ADH6: variants seen among roughly 807,000 people sequenced by gnomAD.
ADH6 encodes alcohol dehydrogenase 6.
In ADH6, 34 loss-of-function variants were observed where a neutral mutation model predicts 36.5. The ratio of observed to expected loss-of-function variants is 0.93; its 90% CI spans 0.71 to 1.24. ADH6 has a LOEUF of 1.24. Among genes scored for constraint, ADH6 ranks in the 50% most tolerant of loss-of-function variants. ADH6 has a pLI of 0.00. For missense variants in ADH6, 440 were observed against 447.0 expected (o/e 0.98, Z 0.14); for synonymous variants, 161 against 155.5 (o/e 1.04, Z -0.26).
Position 99,213,828 on chromosome 4 carries a change from G to A in ADH6, c.121-81C>T, listed in dbSNP as rs138561826. ...AGAGTTGTTGACTGTAAGGCTTTTT[G>A]CTAGTTTGATATTCTCCATTTATAC... On this transcript the variant is annotated intron_variant, in intron 2 of 8. Coordinates refer to ENST00000394899, the MANE Select transcript of ADH6 (RefSeq NM_001102470.2). 1,955 of 1,283,052 alleles carry A rather than the reference G, an allele frequency of 1.5e-3. 4 individuals are homozygous for A. Among genetic ancestry groups the A allele is most frequent in the Middle Eastern group, 3.6e-3 (13 of 3,654 alleles). 79.5% of individuals were successfully genotyped at this position (1,283,052 alleles called of 1,614,324 possible).
chr4:99,213,655 C>T lies in ADH6; in HGVS notation c.213G>A (p.Gly71=). The T allele has an allele frequency of 1.2e-6, 2 of 1,613,864 alleles. No homozygotes were observed. The highest frequency in any genetic ancestry group is 1.7e-6 in the Non-Finnish European group (2 of 1,179,912). Residue 71 remains glycine (G), a synonymous_variant, in exon 3 of 9, where the codon GGG becomes GGA. Coordinates refer to ENST00000394899, the MANE Select transcript of ADH6 (RefSeq NM_001102470.2). ...CTCCAATACTCTCAACGATTCCAGC[C>T]CCTTCATGGCCCAAGATGGTGGGAT... ...LLYPTILGHE[G]AGIVESIGEG...
At chr4:99,209,065 A>G (rs1159913719) in intron 5 of ADH6, 137 bp from the exon 6 acceptor site, 3 of 920,794 alleles carry the variant, frequency 3.3e-6, no homozygotes, top group East Asian at 2.6e-5. Flanking sequence ...TACATAACAT[A>G]TTATAACTAC....
intron 7 of ADH6, 33 bp downstream of exon 7, chr4:99,207,413 A>C (rs774810651): frequency 1.2e-6 from 2 of 1,611,910 alleles, no homozygotes; most frequent in South Asian, 2.2e-5. Flanking sequence ...TCACCTCCTC[A>C]GGCATTTCCA....
chr4:99,203,006 T>G lies in ADH6; in HGVS notation c.*1213A>C. The stretch of plus-strand genomic sequence containing the variant: ...GTTATGAGAGTCCTTTGATATCATG[T>G]GAAAACCATGATGGGAGAGAGAGAC... On this transcript the variant is annotated 3_prime_UTR_variant, in exon 9 of 9. Transcript: ENST00000394899. 2.6e-6 allele frequency: 1 copy of G among 390,602 alleles called. No homozygotes were observed. Among genetic ancestry groups the G allele is most frequent in the Non-Finnish European group, 4.5e-6 (1 of 221,192 alleles). 24.2% of individuals were successfully genotyped at this position (390,602 alleles called of 1,614,324 possible). A position where few individuals can be genotyped will look rare whatever the true frequency, so the allele number is the denominator to read the frequency against.
At chr4:99,216,930 A>C (rs1033215605) in intron 1 of ADH6, among the ~76,000 whole-genome samples, 1 of 152,198 alleles carries the variant, frequency 6.6e-6, no homozygotes, top group African/African-American at 2.4e-5. Flanking sequence ...AAGGGTATTC[A>C]GGGTGTCCAT....
At chr4:99,208,616 A>G in intron 6 of ADH6, 52 bp downstream of exon 6, 1 of 1,547,608 alleles carries the variant, frequency 6.5e-7, no homozygotes. Context: ...ACTATAATCT[A>G]AACGATGACT....
chr4:99,212,936 T>C (rs1379612181), intron 3 of ADH6, among the ~76,000 whole-genome samples: 1 of 151,984 alleles, frequency 6.6e-6, no homozygotes, highest in Non-Finnish European at 1.5e-5. Flanking sequence ...TAAATATCTA[T>C]TTTATATCTG....
chr4:99,216,110 G>T, intron 2 of ADH6, 51 bp downstream of exon 2: 2 of 1,093,256 alleles, frequency 1.8e-6, no homozygotes, highest in Non-Finnish European at 2.5e-6. Flanking sequence ...ACAGTAAGAA[G>T]CTCTGGCTTT....
At chr4:99,219,062 A>G (rs370546136) in intron 1 of ADH6, 73 bp downstream of exon 1, 56 of 1,444,202 alleles carry the variant, frequency 3.9e-5, no homozygotes, top group South Asian at 6.9e-5. Context: ...CTGGGTGATG[A>G]GATGTTGGTA....
chr4:99,211,521 C>T (rs1021587069), intron 3 of ADH6, among the ~76,000 whole-genome samples: 2 of 152,132 alleles, frequency 1.3e-5, no homozygotes, highest in Non-Finnish European at 2.9e-5. Context: ...TTCTAAAATG[C>T]CCTCCGAAAG....
Position 99,210,205 on chromosome 4 carries a change from A to T in ADH6, c.444T>A (p.Cys148Ter). ...AGATTTCCTTTATCACTGTGTATTC[A>T]CAGAAGGTGCTGGTATTACCAAAGT... ...IYHFGNTSTF[C>*]EYTVIKEISV... Residue 148 changes from cysteine (C) to a stop codon, truncating the protein, a stop_gained, in exon 5 of 9, where the codon TGT becomes TGA. Transcript: ENST00000394899. LOFTEE classifies it high-confidence loss of function. The T allele has an allele frequency of 6.2e-7, 1 of 1,613,764 alleles. No individual in the cohort carries two copies. The highest frequency in any genetic ancestry group is 8.5e-7 in the Non-Finnish European group (1 of 1,179,838).
At chr4:99,207,415 G>A in intron 7 of ADH6, 31 bp downstream of exon 7, 2 of 1,611,226 alleles carry the variant, frequency 1.2e-6, no homozygotes, top group Non-Finnish European at 1.7e-6. Context: ...ACCTCCTCAG[G>A]CATTTCCACC....
chr4:99,213,489 T>C, intron 3 of ADH6, 117 bp downstream of exon 3: 1 of 965,034 alleles, frequency 1.0e-6, no homozygotes, highest in Non-Finnish European at 1.5e-6. Context: ...TTCTAAGAAG[T>C]TGGAAACATT....
intron 3 of ADH6, 142 bp from the exon 4 acceptor site, chr4:99,210,644 C>T: frequency 1.5e-6 from 1 of 649,836 alleles, no homozygotes; most frequent in Admixed American, 2.9e-5. Context: ...CTTGATACCA[C>T]AAAGAATATC....
At position 99,210,110 on chromosome 4, in the gene ADH6, C is replaced by T. The variant is rs1218310774; in HGVS notation, c.539G>A (p.Gly180Glu). ...GGCAGTATTGATTGCAGCACCAAAC[C>T]CAGTGGAAAAGCCACAGCTAATTAG... ...VCLISCGFST[G>E]FGAAINTAKV... The change falls in exon 5 of 9, where the codon GGG (glycine) becomes GAG (glutamate). Residue 180 changes from glycine (G) to glutamate (E), a missense_variant. Physicochemically the swap from Gly to Glu is moderately conservative, Grantham distance 98. Transcript: ENST00000394899. 6.2e-7 allele frequency: 1 copy of T among 1,613,588 alleles called. No individual in the cohort carries two copies. Among genetic ancestry groups the T allele is most frequent in the African/African-American group, 1.3e-5 (1 of 74,888 alleles).
intron 1 of ADH6, among the ~76,000 whole-genome samples, chr4:99,218,850 T>G (rs1423110817): frequency 1.3e-5 from 2 of 152,190 alleles, no homozygotes; most frequent in Non-Finnish European, 2.9e-5. Context: ...AATTGCTCTT[T>G]TATAATTATT....
Position 99,219,232 on chromosome 4 carries a change from A to G in ADH6, c.-80T>C. ...CTTTCACTGTAGAAAGTACAAAGGT[A>G]CACAGGCGACTGGTAGATCAGAAGG... On this transcript the variant is annotated 5_prime_UTR_variant, in exon 1 of 9. Coordinates refer to ENST00000394899, the MANE Select transcript of ADH6 (RefSeq NM_001102470.2). The G allele has an allele frequency of 7.7e-7, 1 of 1,302,408 alleles. No individual in the cohort carries two copies. Among genetic ancestry groups the G allele is most frequent in the Non-Finnish European group, 1.1e-6 (1 of 901,350 alleles). The allele number at this position is 1,302,408 out of a possible 1,614,324, so 80.7% of individuals were successfully genotyped here.
At chr4:99,210,532 A>G (rs541412876) in intron 3 of ADH6, 30 bp from the exon 4 acceptor site, 14 of 1,520,244 alleles carry the variant, frequency 9.2e-6, no homozygotes, top group Middle Eastern at 2.4e-4. Flanking sequence ...TCTTATTAAC[A>G]TATTATTTTT....
intron 1 of ADH6, among the ~76,000 whole-genome samples, chr4:99,217,436 T>G (rs947765890): frequency 6.6e-6 from 1 of 152,212 alleles, no homozygotes; most frequent in Non-Finnish European, 1.5e-5. Flanking sequence ...TGTTCAAATT[T>G]TTAGCTCCCA....
Sources: gnomAD v4.1 joint callset for allele counts (sites outside exome capture counted in the v4.1 genomes callset) on GRCh38, gnomAD v4.1.1 for gene constraint, MANE v1.5 for transcripts, NCBI Gene and HGNC (gene_info 2026-07-23, HGNC 2026-07-21) for gene names.